Variants in SPATA6 observed in about 807,000 individuals in gnomAD.
SPATA6 encodes the protein spermatogenesis-associated protein 6.
In SPATA6, 56 loss-of-function variants were observed where a neutral mutation model predicts 65.3. That is an observed-to-expected ratio of 0.86 (90% CI 0.69 to 1.07). The LOEUF is 1.07. Among genes scored for constraint, SPATA6 ranks in the 50% least tolerant of loss-of-function variants. The probability of loss-of-function intolerance (pLI) is 0.00; values close to 1 mark genes in which losing one functional copy is unlikely to be tolerated. For synonymous variants in SPATA6, 199 were observed against 213.2 expected, an observed-to-expected ratio of 0.93 and a Z score of 0.58; for missense variants, 590 against 594.8, an observed-to-expected ratio of 0.99 and a Z score of 0.08.
intron 9 of SPATA6, among the ~76,000 whole-genome samples, chr1:48,369,726 TC>T (rs1402798180): frequency 1.3e-5 from 2 of 152,204 alleles, no homozygotes; most frequent in Non-Finnish European, 2.9e-5. Flanking sequence ...CCCTTGCACT[TC>T]CCGAGTGAGG....
At chr1:48,348,557 T>C (rs1234728925) in intron 11 of SPATA6, among the ~76,000 whole-genome samples, 2 of 151,876 alleles carry the variant, frequency 1.3e-5, no homozygotes, top group African/African-American at 2.4e-5. Flanking sequence ...CATGTTAATC[T>C]TGTACTTTCC....
chr1:48,369,730 G>A (rs937008457), intron 9 of SPATA6, among the ~76,000 whole-genome samples: 11 of 152,226 alleles, frequency 7.2e-5, no homozygotes, highest in African/African-American at 2.2e-4. Context: ...TGCACTTCCC[G>A]AGTGAGGCAA....
chr1:48,266,117 A>C, the SPATA6 span, among the ~76,000 whole-genome samples: 4 of 152,204 alleles, frequency 2.6e-5, no homozygotes, highest in African/African-American at 9.6e-5. Flanking sequence ...TAGGTGAACT[A>C]ACCAACAGGG....
At chr1:48,430,527 T>C (rs1284607804) in intron 3 of SPATA6, among the ~76,000 whole-genome samples, 1 of 152,026 alleles carries the variant, frequency 6.6e-6, no homozygotes, top group Non-Finnish European at 1.5e-5. Context: ...TAACACAAAG[T>C]CATACAAAGA....
intron 2 of SPATA6, among the ~76,000 whole-genome samples, chr1:48,452,387 CTTT>C (rs11289564): frequency 4.2e-5 from 6 of 142,682 alleles, no homozygotes; most frequent in Admixed American, 2.8e-4. Context: ...ATCATATATT[CTTT>C]TTTTTTTTTT....
At chr1:48,291,330 C>T (rs546358971), downstream of SPATA6, among the ~76,000 whole-genome samples, 1 of 152,034 alleles carries the variant, frequency 6.6e-6, no homozygotes, top group Non-Finnish European at 1.5e-5. Context: ...GCTACCAGGG[C>T]GGGTAGAGAA....
intron 11 of SPATA6, among the ~76,000 whole-genome samples, chr1:48,320,404 T>C (rs1279963460): frequency 1.3e-5 from 2 of 151,822 alleles, no homozygotes; most frequent in Non-Finnish European, 1.5e-5. Flanking sequence ...CTCCAAAACA[T>C]CCGGCAGCAA....
chr1:48,300,510 A>G (rs983898283), intron 12 of SPATA6, among the ~76,000 whole-genome samples: 4 of 152,162 alleles, frequency 2.6e-5, no homozygotes, highest in African/African-American at 9.6e-5. Flanking sequence ...AGAACTAATA[A>G]GAAGTCTACT....
At chr1:48,363,035 C>T (rs778681695) in intron 9 of SPATA6, among the ~76,000 whole-genome samples, 8 of 151,964 alleles carry the variant, frequency 5.3e-5, no homozygotes, top group Non-Finnish European at 1.0e-4. Context: ...GAATATAAGA[C>T]GTCAAATACA....
intron 3 of SPATA6, among the ~76,000 whole-genome samples, chr1:48,428,879 G>C (rs982311945): frequency 3.3e-5 from 5 of 150,800 alleles, no homozygotes; most frequent in Non-Finnish European, 7.4e-5. Flanking sequence ...ACGTGTGTGT[G>C]TGTGTGTGTG....
At chr1:48,470,951 A>G (rs1270671093) in intron 1 of SPATA6, among the ~76,000 whole-genome samples, 1 of 152,202 alleles carries the variant, frequency 6.6e-6, no homozygotes, top group Non-Finnish European at 1.5e-5. Context: ...AACTCCGTAC[A>G]GGTCTGTGCC....
intron 10 of SPATA6, among the ~76,000 whole-genome samples, chr1:48,356,936 A>T (rs1646678698): frequency 6.6e-6 from 1 of 152,148 alleles, no homozygotes. Context: ...GTATATATAA[A>T]AGCAAGTTCT....
chr1:48,393,956 G>T (rs1650319123), intron 8 of SPATA6, among the ~76,000 whole-genome samples: 1 of 151,976 alleles, frequency 6.6e-6, no homozygotes, highest in Admixed American at 6.6e-5. Context: ...CATATTAGGG[G>T]CTAGGGCTTC....
At chr1:48,471,653 T>A (rs1658257962) in intron 1 of SPATA6, among the ~76,000 whole-genome samples, 1 of 152,070 alleles carries the variant, frequency 6.6e-6, no homozygotes, top group South Asian at 2.1e-4. Flanking sequence ...ACATACACTC[T>A]CTCTCACTGG....
chr1:48,327,224 G>A (rs1350912185), intron 11 of SPATA6, among the ~76,000 whole-genome samples: 3 of 151,910 alleles, frequency 2.0e-5, no homozygotes, highest in Admixed American at 6.6e-5. Flanking sequence ...AAATAAAAGC[G>A]GCTAACAAAC....
At position 48,362,656 on chromosome 1, in the gene SPATA6, A is replaced by C. The variant is rs1355669270; in HGVS notation, c.910-2886T>G. On this transcript the variant is annotated intron_variant, in intron 9 of 12. Coordinates refer to ENST00000371847, the MANE Select transcript of SPATA6 (RefSeq NM_019073.4). ...TGTCAAACACATTCCAATGACAATAACTGCAAAAAGAAATTCAAAGGAAAG... is the reference window on the plus strand; with the variant it reads ...TGTCAAACACATTCCAATGACAATACCTGCAAAAAGAAATTCAAAGGAAAG... Among the ~76,000 whole-genome samples, 3 of 95,616 alleles carry C rather than the reference A, an allele frequency of 3.1e-5. No individual in the cohort carries two copies. In the East Asian group the frequency reaches 9.4e-4, roughly 30 times the overall value. The allele number at this position is 95,616 out of a possible 152,430, so 62.7% of individuals were successfully genotyped here.
At chr1:48,268,190 T>C in the SPATA6 span, among the ~76,000 whole-genome samples, 1 of 152,058 alleles carries the variant, frequency 6.6e-6, no homozygotes, top group Non-Finnish European at 1.5e-5. Context: ...GTGGAGCCCT[T>C]GCCAGGGACC....
intron 11 of SPATA6, among the ~76,000 whole-genome samples, chr1:48,336,643 AGAG>A (rs1646068392): frequency 6.6e-6 from 1 of 151,814 alleles, no homozygotes; most frequent in Non-Finnish European, 1.5e-5. Flanking sequence ...GAGGAGGATA[AGAG>A]GAGAGAGAAG....
At chr1:48,356,396 GA>G (rs10714963) in intron 10 of SPATA6, among the ~76,000 whole-genome samples, 25,109 of 151,120 alleles carry the variant, frequency 0.17, 2,535 homozygotes, top group Admixed American at 0.26. Context: ...ATATAATAAT[GA>G]AAATTTCTAA....
Sources: gnomAD v4.1 joint callset for allele counts (sites outside exome capture counted in the v4.1 genomes callset) on GRCh38, gnomAD v4.1.1 for gene constraint, MANE v1.5 for transcripts, NCBI Gene and HGNC (gene_info 2026-07-23, HGNC 2026-07-21) for gene names.